Variants in BORCS5 observed in about 807,000 individuals in gnomAD.
The protein encoded by BORCS5 is BLOC-1 related complex subunit 5, also known as BLOC-1-related complex subunit 5.
A neutral mutation model predicts 22.1 loss-of-function variants in BORCS5; 17 were observed. The observed-to-expected ratio is 0.77, with a 90% CI of 0.53 to 1.15. The LOEUF (loss-of-function observed/expected upper bound fraction) is 1.15, where lower values mean the gene tolerates loss of function less well. BORCS5 is among the 50% of genes most tolerant of loss of function. The probability of loss-of-function intolerance (pLI) is 0.00; values close to 1 mark genes in which losing one functional copy is unlikely to be tolerated. For missense variants in BORCS5, 247 were observed against 253.2 expected, an observed-to-expected ratio of 0.98 and a Z score of 0.17; for synonymous variants, 117 against 99.8, an observed-to-expected ratio of 1.17 and a Z score of -1.03.
intron 2 of BORCS5, among the ~76,000 whole-genome samples, chr12:12,425,507 A>G (rs1942263876): frequency 6.6e-6 from 1 of 152,170 alleles, no homozygotes; most frequent in South Asian, 2.1e-4. Context: ...CCTTGCCAAC[A>G]CTTGTTATTT....
chr12:12,431,152 C>T (rs969414585), intron 2 of BORCS5, among the ~76,000 whole-genome samples: 5 of 152,182 alleles, frequency 3.3e-5, no homozygotes, highest in African/African-American at 1.2e-4. Flanking sequence ...AATTGCCCTC[C>T]TCCATAGGGT....
In BORCS5 at chr12:12,441,674, TAAC is replaced by T. The variant is rs201907267; in HGVS notation, c.360+5893_360+5895del. Among the ~76,000 whole-genome samples, 229 of 152,208 alleles carry T rather than the reference TAAC, an allele frequency of 1.5e-3. 1 individual carries two copies. The highest frequency in any genetic ancestry group is 2.9e-3 in the East Asian group (15 of 5,180). On this transcript the variant is annotated intron_variant, in intron 3 of 3. Transcript: ENST00000314565. ...ATTGCCCCATTTTAAGTTCTGCTCT[TAAC>T]AACCCAAGTATAAGCACTAAATAGA...
intron 2 of BORCS5, among the ~76,000 whole-genome samples, chr12:12,424,345 G>A (rs138967697): frequency 2.6e-5 from 4 of 152,062 alleles, no homozygotes; most frequent in African/African-American, 9.6e-5. Flanking sequence ...TGAATTTTTC[G>A]TATCAGTTAT....
intron 2 of BORCS5, among the ~76,000 whole-genome samples, chr12:12,374,087 A>G (rs1863591118): frequency 7.1e-6 from 1 of 141,278 alleles, no homozygotes; most frequent in African/African-American, 2.7e-5. Context: ...TCCCGGGTTC[A>G]CGCCATTCTC....
At chr12:12,412,374 T>C (rs1941758806) in intron 2 of BORCS5, among the ~76,000 whole-genome samples, 1 of 152,198 alleles carries the variant, frequency 6.6e-6, no homozygotes, top group African/African-American at 2.4e-5. Flanking sequence ...TTATTCTTTT[T>C]GATGCTATTG....
rs1019734725 is a variant in BORCS5, at chr12:12,390,859, G to A, written c.202+29510G>A. Among the ~76,000 whole-genome samples the A allele has an allele frequency of 2.0e-5, 3 of 151,824 alleles. No homozygotes were observed. The East Asian group carries it at 5.8e-4, about 29-fold the overall frequency. On this transcript the variant is annotated intron_variant, in intron 2 of 3. Transcript: ENST00000314565. Reference sequence around the variant, plus strand: ...TGACCTTAGATGATCCACCTTCCTTGGCCTCCCAAAGTGCTAGGAGTACAG... The same window carrying A: ...TGACCTTAGATGATCCACCTTCCTTAGCCTCCCAAAGTGCTAGGAGTACAG...
chr12:12,361,009 C>T (rs1294278835), intron 1 of BORCS5, among the ~76,000 whole-genome samples, 197 bp from the exon 2 acceptor site: 3 of 152,204 alleles, frequency 2.0e-5, no homozygotes, highest in Non-Finnish European at 4.4e-5. Context: ...GCATGAGCCA[C>T]CGTGCCTGGC....
At chr12:12,392,888 C>T (rs1337637304) in intron 2 of BORCS5, among the ~76,000 whole-genome samples, 2 of 151,944 alleles carry the variant, frequency 1.3e-5, no homozygotes, top group Admixed American at 6.6e-5. Flanking sequence ...TATTCTGAGT[C>T]GTCTCTTCTG....
intron 2 of BORCS5, among the ~76,000 whole-genome samples, chr12:12,374,456 G>A (rs1233926285): frequency 6.7e-6 from 1 of 149,982 alleles, no homozygotes; most frequent in Non-Finnish European, 1.5e-5. Context: ...AACATGGTGA[G>A]ACCCTGTCTG....
In BORCS5 at chr12:12,357,383, C is replaced by G; in HGVS notation, c.-69C>G. ...CCCCGTCCCGGTCCCTGGCCCCTGC[C>G]CTGTCGCCCGCCGCCGGAGCGGTGA... On this transcript the variant is annotated 5_prime_UTR_variant, in exon 1 of 4. Transcript: ENST00000314565. The G allele has an allele frequency of 6.4e-7, 1 of 1,570,272 alleles. No individual in the cohort carries two copies. Among genetic ancestry groups the G allele is most frequent in the African/African-American group, 1.3e-5 (1 of 74,142 alleles).
intron 2 of BORCS5, among the ~76,000 whole-genome samples, chr12:12,415,538 T>G (rs1592104422): frequency 3.1e-5 from 1 of 31,874 alleles, no homozygotes; most frequent in African/African-American, 1.6e-4. Flanking sequence ...AGGGAGACCG[T>G]GGAAGGAGAC....
intron 2 of BORCS5, among the ~76,000 whole-genome samples, chr12:12,372,669 C>T (rs1863556454): frequency 6.6e-6 from 1 of 152,084 alleles, no homozygotes; most frequent in South Asian, 2.1e-4. Flanking sequence ...CATCTCACTA[C>T]TAAGGTGAAA....
intron 2 of BORCS5, among the ~76,000 whole-genome samples, chr12:12,416,824 C>T (rs1195010317): frequency 6.7e-6 from 1 of 149,616 alleles, no homozygotes; most frequent in Non-Finnish European, 1.5e-5. Context: ...CTTTGTTGCC[C>T]AGGCTGGAGT....
intron 2 of BORCS5, among the ~76,000 whole-genome samples, chr12:12,412,214 T>C (rs2053040694): frequency 6.6e-6 from 1 of 152,228 alleles, no homozygotes; most frequent in East Asian, 1.9e-4. Flanking sequence ...TTTGGTAATA[T>C]TGACATCTTA....
At chr12:12,433,126 G>T (rs1028481831) in intron 2 of BORCS5, among the ~76,000 whole-genome samples, 7 of 152,106 alleles carry the variant, frequency 4.6e-5, no homozygotes, top group African/African-American at 1.7e-4. Flanking sequence ...CTTAGGTCAA[G>T]AGTTTGAGAT....
chr12:12,450,745 C>T (rs897628949), intron 3 of BORCS5, among the ~76,000 whole-genome samples: 6 of 152,154 alleles, frequency 3.9e-5, no homozygotes, highest in East Asian at 3.8e-4. Flanking sequence ...ACTGCTAGTA[C>T]GAGCTGTGTG....
At chr12:12,358,045 G>T (rs1863186733) in intron 1 of BORCS5, among the ~76,000 whole-genome samples, 1 of 152,222 alleles carries the variant, frequency 6.6e-6, no homozygotes. Context: ...GCAGGCACTG[G>T]TGTTTTCCAT....
intron 3 of BORCS5, among the ~76,000 whole-genome samples, chr12:12,455,179 A>C (rs1482483017): frequency 6.6e-6 from 1 of 152,228 alleles, no homozygotes; most frequent in African/African-American, 2.4e-5. Flanking sequence ...TGCTCATTAC[A>C]TTTTGAACCC....
intron 2 of BORCS5, among the ~76,000 whole-genome samples, chr12:12,407,099 T>C (rs959809041): frequency 6.6e-6 from 1 of 152,236 alleles, no homozygotes; most frequent in African/African-American, 2.4e-5. Flanking sequence ...TCATCTGAAT[T>C]GTGAATGTTT....
Sources: gnomAD v4.1 joint callset for allele counts (sites outside exome capture counted in the v4.1 genomes callset) on GRCh38, gnomAD v4.1.1 for gene constraint, MANE v1.5 for transcripts, NCBI Gene and HGNC (gene_info 2026-07-23, HGNC 2026-07-21) for gene names.